Variants in DSCAML1 observed in about 807,000 individuals in gnomAD.
DSCAML1 encodes cell adhesion molecule DSCAML1.
A neutral mutation model predicts 200.5 loss-of-function variants in DSCAML1; 38 were observed. That is an observed-to-expected ratio of 0.19 (90% confidence interval 0.15 to 0.25). The LOEUF (loss-of-function observed/expected upper bound fraction) is 0.25. Ranked by LOEUF, DSCAML1 falls within the 10% of genes least tolerant of loss-of-function variation. DSCAML1 has a pLI of 1.00. For missense variants in DSCAML1, 2,223 were observed against 2,858.8 expected (o/e 0.78, Z 5.07); for synonymous variants, 1,215 against 1,165.0 (o/e 1.04, Z -0.87).
rs573942061 is a variant in DSCAML1, at chr11:117,504,660, G to A, written c.2182+264C>T. Among the ~76,000 whole-genome samples the A allele has an allele frequency of 6.6e-5, 10 of 152,124 alleles. No homozygotes were observed. Among genetic ancestry groups the A allele is most frequent in the Middle Eastern group, 3.4e-3 (1 of 294 alleles). ...GCAGGCATACACTGAGTTCTGGGGC[G>A]GAGATGGGAGAGGAGAGGTCGCGTC... On this transcript the variant is annotated intron_variant, in intron 10 of 32. Coordinates refer to ENST00000651296, the MANE Select transcript of DSCAML1 (RefSeq NM_020693.4). This position sits in a 1 kb window ranked among gnomAD's most constrained non-coding sequence, Gnocchi z 5.0.
intron 3 of DSCAML1, among the ~76,000 whole-genome samples, chr11:117,773,526 A>G (rs2055074499): frequency 1.3e-5 from 1 of 79,356 alleles, no homozygotes; most frequent in South Asian, 4.5e-4. Context: ...CTCACCTCAA[A>G]ATGCACACAC....
chr11:117,781,164 G>A (rs1323791175), intron 1 of DSCAML1, among the ~76,000 whole-genome samples: 3 of 151,936 alleles, frequency 2.0e-5, no homozygotes, highest in African/African-American at 4.8e-5. Context: ...GTGCACACGC[G>A]TCTGTAGTTT....
chr11:117,677,674 C>A (rs1458945685), intron 3 of DSCAML1, among the ~76,000 whole-genome samples: 3 of 152,154 alleles, frequency 2.0e-5, no homozygotes, highest in Non-Finnish European at 4.4e-5. Flanking sequence ...GCAGAAGGGA[C>A]AATAACCATG....
At chr11:117,520,114 C>G (rs975260617) in intron 6 of DSCAML1, among the ~76,000 whole-genome samples, 1 of 152,214 alleles carries the variant, frequency 6.6e-6, no homozygotes, top group Non-Finnish European at 1.5e-5. Context: ...TTTCTGCCAG[C>G]CCCCACTGCT....
rs2134051440 is a variant in DSCAML1 at position 117,780,131 on chromosome 11, A to C, written c.364+362T>G. Among the ~76,000 whole-genome samples the C allele has an allele frequency of 6.6e-6, 1 of 151,126 alleles. No individual in the cohort carries two copies. The highest frequency in any genetic ancestry group is 1.9e-4 in the East Asian group (1 of 5,170). On this transcript the variant is annotated intron_variant, in intron 2 of 32. Transcript: ENST00000651296. The surrounding 1 kb of genome is among the most constrained non-coding windows in gnomAD (Gnocchi z 4.8). ...GACAGAGTGAGGCTCTGTCTCAAAA[A>C]GCAAAAAGAAAGAGAGAGAGAGAGA...
chr11:117,651,711 CAAAAAAAAAAAAA>C (rs1193144259), intron 3 of DSCAML1, among the ~76,000 whole-genome samples: 390 of 31,118 alleles, frequency 0.013, 8 homozygotes, highest in African/African-American at 0.03. Flanking sequence ...GACTCTGTCT[CAAAAAAAAAAAAA>C]AAAAAAAAAA....
intron 19 of DSCAML1, among the ~76,000 whole-genome samples, chr11:117,455,172 C>T (rs77344924): frequency 5.9e-4 from 90 of 152,314 alleles, no homozygotes; most frequent in East Asian, 5.4e-3. Context: ...AGCTGTCCTC[C>T]GCAAGAAGAG....
At chr11:117,493,299 T>TCC (rs1021174848) in intron 11 of DSCAML1, among the ~76,000 whole-genome samples, 5 of 149,106 alleles carry the variant, frequency 3.4e-5, no homozygotes, top group African/African-American at 1.2e-4. Flanking sequence ...GACCCAGTTT[T>TCC]CCCCCTGCCT....
chr11:117,474,892 C>T (rs1339274509), intron 14 of DSCAML1, among the ~76,000 whole-genome samples: 1 of 151,958 alleles, frequency 6.6e-6, no homozygotes, highest in Non-Finnish European at 1.5e-5. Flanking sequence ...GTAGCTGGGA[C>T]TACAGGCGCA....
chr11:117,486,342 A>T (rs1654943638), intron 11 of DSCAML1, among the ~76,000 whole-genome samples: 1 of 151,212 alleles, frequency 6.6e-6, no homozygotes, highest in Non-Finnish European at 1.5e-5. Flanking sequence ...AAAATGGCGG[A>T]TGTGATAATG....
At chr11:117,595,339 T>A (rs939970616) in intron 3 of DSCAML1, among the ~76,000 whole-genome samples, 17 of 152,164 alleles carry the variant, frequency 1.1e-4, no homozygotes, top group African/African-American at 3.4e-4. Context: ...AAAACCAAAG[T>A]AAGACAATAA....
intron 3 of DSCAML1, among the ~76,000 whole-genome samples, chr11:117,683,271 C>T (rs1591395980): frequency 6.6e-6 from 1 of 152,294 alleles, no homozygotes; most frequent in Non-Finnish European, 1.5e-5. Flanking sequence ...AGGAAAATAG[C>T]ACAGAAGACA....
At chr11:117,559,611 G>A (rs1025112896) in intron 3 of DSCAML1, among the ~76,000 whole-genome samples, 1 of 152,112 alleles carries the variant, frequency 6.6e-6, no homozygotes, top group Non-Finnish European at 1.5e-5. Context: ...CCCGCAATAC[G>A]TGCCTTTTAT....
intron 1 of DSCAML1, among the ~76,000 whole-genome samples, chr11:117,785,383 G>A (rs2055332318): frequency 6.6e-6 from 1 of 152,150 alleles, no homozygotes; most frequent in Non-Finnish European, 1.5e-5. Flanking sequence ...GATAGGTGGG[G>A]TGACAAGGGG....
At chr11:117,765,019 C>G (rs2054869232) in intron 3 of DSCAML1, among the ~76,000 whole-genome samples, 1 of 152,228 alleles carries the variant, frequency 6.6e-6, no homozygotes. Context: ...TCTCAGCGGT[C>G]TCTTCAGGAT....
intron 17 of DSCAML1, 104 bp from the exon 18 acceptor site, chr11:117,461,700 C>T (rs1433369135): frequency 8.6e-6 from 10 of 1,158,694 alleles, no homozygotes; most frequent in East Asian, 2.4e-5. Flanking sequence ...ACCAGAGGAG[C>T]GTCCAGTTAG....
chr11:117,608,345 A>G (rs1366046918), intron 3 of DSCAML1, among the ~76,000 whole-genome samples: 2 of 152,252 alleles, frequency 1.3e-5, no homozygotes, highest in African/African-American at 4.8e-5. Flanking sequence ...CTTATTAAAA[A>G]TGGAAACATA....
chr11:117,506,547 C>CTT (rs5795089), intron 8 of DSCAML1, among the ~76,000 whole-genome samples: 981 of 96,850 alleles, frequency 0.01, 41 homozygotes, highest in Non-Finnish European at 0.014. Context: ...CAAGAGATAA[C>CTT]TTTTTTTTTT....
chr11:117,475,489 A>C (rs1488529296), intron 14 of DSCAML1, among the ~76,000 whole-genome samples: 2 of 152,122 alleles, frequency 1.3e-5, no homozygotes, highest in African/African-American at 2.4e-5. Flanking sequence ...GCCCCTCCTC[A>C]GTCCACAGTA....
Sources: gnomAD v4.1 joint callset for allele counts (sites outside exome capture counted in the v4.1 genomes callset) on GRCh38, gnomAD v4.1.1 for gene constraint, Gnocchi (gnomAD v3.1) non-coding constraint, MANE v1.5 for transcripts, NCBI Gene and HGNC (gene_info 2026-07-23, HGNC 2026-07-21) for gene names.